The following EYS variants were observed in gnomAD, a reference collection of about 807,000 sequenced individuals.
The protein encoded by EYS is EGF-like photoreceptor maintenance factor, also known as protein eyes shut homolog.
EYS carries 250 observed loss-of-function variants against 282.1 expected under a neutral mutation model. That is an observed-to-expected ratio of 0.89 (90% CI 0.80 to 0.98). EYS has a LOEUF of 0.98. Ranked by LOEUF, EYS falls within the 50% of genes least tolerant of loss-of-function variation. The pLI, the probability that EYS is intolerant of heterozygous loss-of-function variation, is 0.00. For missense variants in EYS, 4,016 were observed against 3,709.0 expected (o/e 1.08, Z -2.15); for synonymous variants, 1,355 against 1,282.9 (o/e 1.06, Z -1.20).
At chr6:64,724,096 A>C (rs548146818) in intron 22 of EYS, among the ~76,000 whole-genome samples, 1 of 152,216 alleles carries the variant, frequency 6.6e-6, no homozygotes, top group East Asian at 1.9e-4. Flanking sequence ...TTAACATTTA[A>C]TACAAGGAAA....
rs1582769784 is a variant in EYS, at chr6:64,451,001, T to C, written c.5645-11649A>G. On this transcript the variant is annotated intron_variant, in intron 26 of 42. Transcript: ENST00000503581. ...AAGCTAGCAGAAGGCAAGAAATAAC[T>C]AAGATCGAGCAGAACTGAAGGAAAT... is the stretch of plus-strand genomic sequence containing the variant. Among the ~76,000 whole-genome samples, 4 of 151,946 alleles carry C rather than the reference T, an allele frequency of 2.6e-5. No individual in the cohort carries two copies. The South Asian group carries it at 8.3e-4, about 32-fold the overall frequency.
At chr6:64,227,195 T>A (rs999490057) in intron 31 of EYS, among the ~76,000 whole-genome samples, 23 of 152,112 alleles carry the variant, frequency 1.5e-4, no homozygotes, top group African/African-American at 4.6e-4. Flanking sequence ...TGAAAAGATA[T>A]GACCACTCAG....
chr6:64,142,232 G>T (rs1253668733), intron 31 of EYS, among the ~76,000 whole-genome samples: 1 of 152,000 alleles, frequency 6.6e-6, no homozygotes, highest in Non-Finnish European at 1.5e-5. Context: ...AATAATTAAA[G>T]AAATTAAATT....
At chr6:65,490,305 T>C in intron 5 of EYS, 1 of 234,078 alleles carries the variant, frequency 4.3e-6, no homozygotes, top group South Asian at 1.0e-4. Context: ...CAATTTCAAA[T>C]TCATTGGTCA....
chr6:64,509,278 A>C (rs140066187), intron 26 of EYS, among the ~76,000 whole-genome samples: 366 of 152,208 alleles, frequency 2.4e-3, no homozygotes, highest in East Asian at 8.1e-3. Flanking sequence ...GAAACAGTCA[A>C]ATTTTATCTT....
chr6:65,251,652 C>T (rs966251633), intron 12 of EYS, among the ~76,000 whole-genome samples: 26 of 151,958 alleles, frequency 1.7e-4, no homozygotes, highest in Admixed American at 1.2e-3. Flanking sequence ...CTCAAGCAAA[C>T]AGTAGCAGGT....
chr6:64,491,867 A>G (rs1320342082), intron 26 of EYS, among the ~76,000 whole-genome samples: 2 of 151,208 alleles, frequency 1.3e-5, no homozygotes, highest in Non-Finnish European at 3.0e-5. Context: ...TAAGATAAAC[A>G]TTAATAATCA....
intron 2 of EYS, among the ~76,000 whole-genome samples, chr6:65,614,104 TCATTTTC>T (rs1340069225): frequency 6.6e-6 from 1 of 152,008 alleles, no homozygotes; most frequent in African/African-American, 2.4e-5. Context: ...TTCACTTATT[TCATTTTC>T]CATTATCTTT....
chr6:64,068,215 TTGG>T (rs1407485421), intron 32 of EYS, among the ~76,000 whole-genome samples: 2 of 152,162 alleles, frequency 1.3e-5, no homozygotes, highest in African/African-American at 4.8e-5. Flanking sequence ...TTTCTTGATA[TTGG>T]TGAAGTTGAA....
chr6:65,565,414 G>A (rs1334326531), intron 2 of EYS, among the ~76,000 whole-genome samples: 4 of 152,058 alleles, frequency 2.6e-5, no homozygotes, highest in Non-Finnish European at 4.4e-5. Flanking sequence ...TCTTACGCCA[G>A]TTAGAATGGC....
intron 14 of EYS, among the ~76,000 whole-genome samples, chr6:64,985,367 C>T (rs1770821808): frequency 6.6e-6 from 1 of 151,404 alleles, no homozygotes; most frequent in African/African-American, 2.4e-5. Flanking sequence ...TCAGGAAGTA[C>T]CTCAGGCAGT....
chr6:64,907,143 C>G (rs896969879), intron 16 of EYS, among the ~76,000 whole-genome samples: 7 of 152,092 alleles, frequency 4.6e-5, no homozygotes, highest in Non-Finnish European at 1.0e-4. Context: ...ACCTTAAACT[C>G]CTTTGCTCTA....
chr6:64,176,655 G>GA (rs891599494), intron 31 of EYS, among the ~76,000 whole-genome samples: 5 of 151,476 alleles, frequency 3.3e-5, no homozygotes, highest in African/African-American at 4.8e-5. Context: ...TTTTACCATG[G>GA]AAAAAAAACT....
At chr6:65,561,487 T>C (rs1388470746) in intron 2 of EYS, among the ~76,000 whole-genome samples, 3 of 152,236 alleles carry the variant, frequency 2.0e-5, no homozygotes, top group African/African-American at 7.2e-5. Flanking sequence ...TCTCTTACAT[T>C]TTTTGTTGAC....
intron 1 of EYS, among the ~76,000 whole-genome samples, chr6:65,670,280 A>G (rs975338447): frequency 3.2e-4 from 49 of 152,162 alleles, no homozygotes; most frequent in African/African-American, 1.2e-3. Flanking sequence ...TATGGAACCA[A>G]AGAACTTCTG....
rs188840652 is a variant in EYS at position 64,112,958 on chromosome 6, A to G, written c.6425-30956T>C. ...AGGAGACACTGCACTGGCATCGTGA[A>G]AATGAAAATGCAATTACAACAATGT... On this transcript the variant is annotated intron_variant, in intron 31 of 42. Transcript: ENST00000503581. 1.1e-4 allele frequency among the ~76,000 whole-genome samples: 17 copies of G among 152,026 alleles called. No homozygotes were observed. In the East Asian group the frequency reaches 2.5e-3, roughly 22 times the overall value.
chr6:64,673,879 T>C (rs915731759), intron 22 of EYS, among the ~76,000 whole-genome samples: 3 of 152,070 alleles, frequency 2.0e-5, no homozygotes, highest in African/African-American at 7.2e-5. Flanking sequence ...TTTGCACTAT[T>C]AGAAAAATTT....
intron 19 of EYS, among the ~76,000 whole-genome samples, chr6:64,831,872 C>T (rs2150028588): frequency 6.6e-6 from 1 of 152,018 alleles, no homozygotes; most frequent in Non-Finnish European, 1.5e-5. Flanking sequence ...ATATTAGTTA[C>T]TCATTGTTTT....
chr6:64,744,629 CATGT>C (rs1299644733), intron 22 of EYS, among the ~76,000 whole-genome samples: 2 of 152,062 alleles, frequency 1.3e-5, no homozygotes, highest in East Asian at 1.9e-4. Context: ...GAACTAAAAA[CATGT>C]ATGTGTACCA....
Sources: allele counts gnomAD v4.1 joint callset (sites outside exome capture counted in the v4.1 genomes callset), GRCh38; gene constraint gnomAD v4.1.1; transcripts MANE v1.5; gene names NCBI Gene and HGNC (gene_info 2026-07-23, HGNC 2026-07-21).